Variants in FAT3 observed in about 807,000 individuals in gnomAD.
FAT3 encodes the protein FAT atypical cadherin 3.
In FAT3, 95 loss-of-function variants were observed where a neutral mutation model predicts 310.2. The observed-to-expected ratio is 0.31, with a 90% CI of 0.26 to 0.36. FAT3 has a LOEUF of 0.36. Ranked by LOEUF, FAT3 falls within the 10% of genes least tolerant of loss-of-function variation. The pLI is 1.00. For synonymous variants in FAT3, 2,314 were observed against 2,192.9 expected, an observed-to-expected ratio of 1.06 and a Z score of -1.54; for missense variants, 5,408 against 5,715.6, an observed-to-expected ratio of 0.95 and a Z score of 1.74.
At chr11:92,520,843 A>G (rs970816683) in intron 2 of FAT3, among the ~76,000 whole-genome samples, 5 of 152,104 alleles carry the variant, frequency 3.3e-5, no homozygotes, top group African/African-American at 1.2e-4. Context: ...ACTCATTCAC[A>G]CTTCTAGTTA....
At chr11:92,549,546 T>C (rs755139723) in intron 3 of FAT3, among the ~76,000 whole-genome samples, 2 of 152,080 alleles carry the variant, frequency 1.3e-5, no homozygotes, top group African/African-American at 4.8e-5. Flanking sequence ...CATATGACAA[T>C]GTTATGACTT....
chr11:92,866,577 C>A (rs1251931179), intron 21 of FAT3, among the ~76,000 whole-genome samples, 164 bp from the exon 22 acceptor site: 1 of 152,168 alleles, frequency 6.6e-6, no homozygotes, highest in African/African-American at 2.4e-5. Context: ...AAGGGGGAGG[C>A]ACAGTGGTTA....
intron 2 of FAT3, among the ~76,000 whole-genome samples, chr11:92,462,880 T>A (rs774199870): frequency 1.3e-5 from 2 of 152,252 alleles, no homozygotes; most frequent in Non-Finnish European, 2.9e-5. Flanking sequence ...TGTTCTCATC[T>A]GTCTCAGAGA....
At chr11:92,412,214 T>G (rs1458433926) in intron 2 of FAT3, among the ~76,000 whole-genome samples, 3 of 152,018 alleles carry the variant, frequency 2.0e-5, no homozygotes, top group Non-Finnish European at 4.4e-5. Flanking sequence ...GCAGTTCTCC[T>G]GCCTCATCCT....
intron 2 of FAT3, among the ~76,000 whole-genome samples, chr11:92,484,069 T>A (rs1389933484): frequency 1.3e-5 from 2 of 152,174 alleles, no homozygotes; most frequent in African/African-American, 4.8e-5. Flanking sequence ...AAGGGCTGAG[T>A]CCCTTCAGTT....
chr11:92,759,324 C>G (rs961608249), intron 4 of FAT3, among the ~76,000 whole-genome samples: 1 of 152,194 alleles, frequency 6.6e-6, no homozygotes, highest in Non-Finnish European at 1.5e-5. Context: ...AAAACAAGCA[C>G]AGTCTGTCTT....
rs1439320211 is a variant in FAT3 at position 92,836,580 on chromosome 11, T to A, written c.10101T>A (p.Asp3367Glu). The change falls in exon 16 of 28, where the codon GAT becomes GAA. Residue 3367 changes from aspartate (D) to glutamate (E), a missense_variant. By Grantham distance (45) the Asp-to-Glu change is conservative. Coordinates refer to ENST00000525166, the MANE Select transcript of FAT3 (RefSeq NM_001367949.2). ...GDSVILLIAEDVDSQPNGQIH... is the reference protein window; with the variant it reads ...GDSVILLIAEEVDSQPNGQIH... ...TTTCCATGAAGCTAATAGCAGAAGATGTAGACAGCCAGCCCAACGGACAGA... is the reference window on the plus strand; with the variant it reads ...TTTCCATGAAGCTAATAGCAGAAGAAGTAGACAGCCAGCCCAACGGACAGA... The A allele has an allele frequency of 6.2e-7, 1 of 1,613,534 alleles. No individual in the cohort carries two copies. Among genetic ancestry groups the A allele is most frequent in the East Asian group, 2.2e-5 (1 of 44,868 alleles).
chr11:92,620,577 C>T (rs566643711), intron 3 of FAT3, among the ~76,000 whole-genome samples: 6 of 152,258 alleles, frequency 3.9e-5, no homozygotes, highest in African/African-American at 1.4e-4. Flanking sequence ...GTCAAACCGT[C>T]TTCTAAGCTA....
chr11:92,257,647 C>A lies in FAT3; in HGVS notation c.-18+32473C>A, dbSNP rs559270264. 3.9e-5 allele frequency among the ~76,000 whole-genome samples: 6 copies of A among 152,112 alleles called. No individual in the cohort carries two copies. The East Asian group carries it at 1.2e-3, about 30-fold the overall frequency. ...GGCAGTGTAGTGGAGTAAAGACAGG[C>A]AAGGGGAAGACATGTGGAAGAGAAG... On this transcript the variant is annotated intron_variant, in intron 1 of 27. Coordinates refer to ENST00000525166, the MANE Select transcript of FAT3 (RefSeq NM_001367949.2).
chr11:92,761,756 G>A (rs1946156392), intron 4 of FAT3, 100 bp from the exon 5 acceptor site: 1 of 1,049,932 alleles, frequency 9.5e-7, no homozygotes, highest in South Asian at 1.6e-5. Context: ...AATTTGGATA[G>A]GATAGCATTG....
In FAT3 at chr11:92,844,823, G is replaced by A. The variant is rs1041328605; in HGVS notation, c.11365+91G>A. On this transcript the variant is annotated intron_variant, in intron 19 of 27. Coordinates refer to ENST00000525166, the MANE Select transcript of FAT3 (RefSeq NM_001367949.2). ...CCAGCATGCCTGCATTCAATCATTC[G>A]TTCAACTAAATATTAAATGATCAAT... 2.3e-5 allele frequency: 30 copies of A among 1,329,912 alleles called. No individual in the cohort carries two copies. The Admixed American group carries it at 2.8e-4, about 12-fold the overall frequency. 82.4% of individuals were successfully genotyped at this position (1,329,912 alleles called of 1,614,324 possible). A position where few individuals can be genotyped will look rare whatever the true frequency, so the allele number is the denominator to read the frequency against.
chr11:92,831,643 A>C lies in FAT3; in HGVS notation c.9503A>C (p.Tyr3168Ser), dbSNP rs1329625417. The change falls in exon 14 of 28, where the codon TAC becomes TCC. Residue 3168 changes from tyrosine (Y) to serine (S), a missense_variant. By Grantham distance (144) the Tyr-to-Ser change is moderately radical. Around this residue, in one of 5 missense-constraint regions of FAT3, gnomAD observed 4,588 missense variants for 4,809.8 expected, o/e 0.95. Transcript: ENST00000525166. ...PDIGINRKVV[Y>S]SLADSAGGVF... ...ACAGGCATCAATAGGAAGGTCGTGTACTCCCTGGCAGACTCAGCTGGTGGG... is the reference window on the plus strand; with the variant it reads ...ACAGGCATCAATAGGAAGGTCGTGTCCTCCCTGGCAGACTCAGCTGGTGGG... The C allele has an allele frequency of 6.2e-7, 1 of 1,612,414 alleles. No homozygotes were observed. Among genetic ancestry groups the C allele is most frequent in the African/African-American group, 1.3e-5 (1 of 74,816 alleles).
intron 1 of FAT3, among the ~76,000 whole-genome samples, chr11:92,315,733 G>A (rs1296082127): frequency 6.6e-6 from 1 of 151,548 alleles, no homozygotes; most frequent in African/African-American, 2.4e-5. Flanking sequence ...TGTTGCCCAG[G>A]CTGGTGTCAA....
At chr11:92,368,573 T>C (rs1001360307) in intron 2 of FAT3, among the ~76,000 whole-genome samples, 5 of 152,156 alleles carry the variant, frequency 3.3e-5, no homozygotes, top group African/African-American at 1.2e-4. Context: ...CCACATCTTC[T>C]AGTGACAAGT....
chr11:92,505,838 A>G (rs950420831), intron 2 of FAT3, among the ~76,000 whole-genome samples: 2 of 152,140 alleles, frequency 1.3e-5, no homozygotes, highest in Non-Finnish European at 2.9e-5. Flanking sequence ...ACAAATATTT[A>G]TTGTTCGTGT....
At chr11:92,338,332 G>A (rs1307725118) in intron 1 of FAT3, among the ~76,000 whole-genome samples, 2 of 152,102 alleles carry the variant, frequency 1.3e-5, no homozygotes, top group Non-Finnish European at 2.9e-5. Flanking sequence ...CATGGAATGA[G>A]GCTTCTTAGT....
chr11:92,858,130 C>T (rs191564661), intron 20 of FAT3, among the ~76,000 whole-genome samples: 44 of 152,342 alleles, frequency 2.9e-4, no homozygotes, highest in Middle Eastern at 3.4e-3. Flanking sequence ...GTGCAAGGAA[C>T]TTTGCAAGCA....
At chr11:92,786,159 C>T (rs1328035913) in intron 7 of FAT3, among the ~76,000 whole-genome samples, 1 of 151,870 alleles carries the variant, frequency 6.6e-6, no homozygotes, top group Non-Finnish European at 1.5e-5. Flanking sequence ...AATTGCAACT[C>T]GATTAGCGAT....
At chr11:92,647,049 G>A (rs1331005915) in intron 3 of FAT3, among the ~76,000 whole-genome samples, 1 of 151,952 alleles carries the variant, frequency 6.6e-6, no homozygotes, top group Non-Finnish European at 1.5e-5. Flanking sequence ...TTTACCCATT[G>A]GCTTTTAGGA....
Sources: gnomAD v4.1 joint callset for allele counts (sites outside exome capture counted in the v4.1 genomes callset) on GRCh38, gnomAD v4.1.1 for gene constraint, gnomAD v4.1.1 regional missense constraint, MANE v1.5 for transcripts, NCBI Gene and HGNC (gene_info 2026-07-23, HGNC 2026-07-21) for gene names.